Variants in PRKAR1A observed in about 807,000 individuals in gnomAD.
PRKAR1A encodes cAMP-dependent protein kinase type I-alpha regulatory subunit.
PRKAR1A carries 3 observed loss-of-function variants against 52.0 expected under a neutral mutation model. The observed-to-expected ratio is 0.06, with a 90% confidence interval of 0.03 to 0.15. The LOEUF is 0.15. Ranked by LOEUF, PRKAR1A falls within the 10% of genes least tolerant of loss-of-function variation. The pLI, the probability that PRKAR1A is intolerant of heterozygous loss-of-function variation, is 1.00. For synonymous variants in PRKAR1A, 188 were observed against 168.4 expected (o/e 1.12, Z -0.90); for missense variants, 240 against 477.4 (o/e 0.50, Z 4.63).
the PRKAR1A span, among the ~76,000 whole-genome samples, chr17:68,495,048 C>G: frequency 6.6e-6 from 1 of 152,084 alleles, no homozygotes; most frequent in Non-Finnish European, 1.5e-5. Flanking sequence ...ATATCTCAGG[C>G]TCTTTTTTTT....
At chr17:68,437,749 A>T in the PRKAR1A span, among the ~76,000 whole-genome samples, 1 of 152,062 alleles carries the variant, frequency 6.6e-6, no homozygotes, top group Admixed American at 6.5e-5. Context: ...GGAAGAGTAA[A>T]CAGCCCATCA....
rs1255633284 is a variant in PRKAR1A, at chr17:68,532,479, A to T, written c.*2030A>T. 1 of 1,061,428 alleles carries T rather than the reference A, an allele frequency of 9.4e-7. No homozygotes were observed. The highest frequency in any genetic ancestry group is 1.1e-6 in the Non-Finnish European group (1 of 875,456). 65.8% of individuals were successfully genotyped at this position (1,061,428 alleles called of 1,614,324 possible). On this transcript the variant is annotated 3_prime_UTR_variant, in exon 11 of 11. Transcript: ENST00000589228. The stretch of plus-strand genomic sequence containing the variant: ...AAAGATAAGTCTACATTAAACAATG[A>T]TCACATCTAAAGCTTTATCTTTGTG...
downstream of PRKAR1A, chr17:68,535,070 T>A (rs745931742): frequency 8.3e-5 from 30 of 360,034 alleles, no homozygotes; most frequent in Non-Finnish European, 1.6e-4. Flanking sequence ...TCAGTACAGT[T>A]CCCGTTCATT....
the PRKAR1A span, among the ~76,000 whole-genome samples, chr17:68,414,561 G>T: frequency 6.6e-6 from 1 of 152,122 alleles, no homozygotes; most frequent in African/African-American, 2.4e-5. Flanking sequence ...ATTAGGGAGG[G>T]TTCCCTCTTT....
intron 11 of PRKAR1A, among the ~76,000 whole-genome samples, chr17:68,544,608 C>T (rs894774075): frequency 1.3e-5 from 2 of 152,172 alleles, no homozygotes; most frequent in Non-Finnish European, 2.9e-5. Flanking sequence ...CAATTTAAAC[C>T]GTGTTGTGCA....
chr17:68,457,582 C>T, the PRKAR1A span: 3 of 252,866 alleles, frequency 1.2e-5, 1 homozygote, highest in Non-Finnish European at 1.8e-5. Flanking sequence ...CCCGCCCCTA[C>T]CCCGCCCCGT....
the PRKAR1A span, chr17:68,420,539 C>T: frequency 1.3e-6 from 2 of 1,491,832 alleles, no homozygotes; most frequent in Non-Finnish European, 1.8e-6. Context: ...TTTTTACCCT[C>T]TTTACAAACA....
chr17:68,455,625 C>T, the PRKAR1A span, among the ~76,000 whole-genome samples: 1 of 152,158 alleles, frequency 6.6e-6, no homozygotes, highest in African/African-American at 2.4e-5. Context: ...TATTTATAGG[C>T]AAGGCAAAGC....
chr17:68,467,074 G>C, the PRKAR1A span, among the ~76,000 whole-genome samples: 5 of 152,196 alleles, frequency 3.3e-5, no homozygotes, highest in African/African-American at 1.2e-4. Flanking sequence ...GTTCATCCAC[G>C]TTGTAGCATG....
Position 68,533,039 on chromosome 17 carries a change from T to G in PRKAR1A, c.*2590T>G. The G allele has an allele frequency of 9.4e-7, 1 of 1,065,860 alleles. No individual in the cohort carries two copies. Among genetic ancestry groups the G allele is most frequent in the Non-Finnish European group, 1.1e-6 (1 of 879,642 alleles). 66.0% of individuals were successfully genotyped at this position (1,065,860 alleles called of 1,614,324 possible). On this transcript the variant is annotated 3_prime_UTR_variant, in exon 11 of 11. Transcript: ENST00000589228. ...CAAAAGCTAAAGATTTCCTTTTGAT[T>G]GAAGACAGATTGGTTCTGTGGCCTT...
chr17:68,535,353 A>T, downstream of PRKAR1A: 1 of 454,136 alleles, frequency 2.2e-6, no homozygotes, highest in South Asian at 1.6e-5. Flanking sequence ...GTGCAGCAAA[A>T]TGTGTATATA....
At chr17:68,428,200 G>C in the PRKAR1A span, 35,221 of 150,114 alleles carry the variant, frequency 0.23, 4,336 homozygotes, top group Middle Eastern at 0.32. Flanking sequence ...GACTGGTAGA[G>C]CACTTTTCAA....
chr17:68,542,240 CCACTGGGAGGGAAGGGAAACCCTGAACT>C, intron 11 of PRKAR1A: 1 of 1,517,096 alleles, frequency 6.6e-7, no homozygotes, highest in South Asian at 1.1e-5. Flanking sequence ...CCTAGGAAAT[CCACTGGGAGGGAAGGGAAACCCTGAACT>C]CACAGCTCGG....
chr17:68,438,713 G>A, the PRKAR1A span, among the ~76,000 whole-genome samples: 1 of 152,202 alleles, frequency 6.6e-6, no homozygotes, highest in African/African-American at 2.4e-5. Flanking sequence ...CGATTCTCCT[G>A]TCTCAGCCTG....
the PRKAR1A span, among the ~76,000 whole-genome samples, chr17:68,419,585 A>C: frequency 6.6e-6 from 1 of 152,120 alleles, no homozygotes; most frequent in Non-Finnish European, 1.5e-5. Flanking sequence ...TTGAAAAAAT[A>C]ATTATATCCT....
chr17:68,457,137 A>G, the PRKAR1A span, among the ~76,000 whole-genome samples: 1 of 151,410 alleles, frequency 6.6e-6, no homozygotes, highest in Non-Finnish European at 1.5e-5. Context: ...CTGGGAGGAC[A>G]CTGGGAGTGG....
At chr17:68,504,989 G>C in the PRKAR1A span, among the ~76,000 whole-genome samples, 9 of 152,206 alleles carry the variant, frequency 5.9e-5, 1 homozygote, top group South Asian at 1.5e-3. Flanking sequence ...GAAAAACATA[G>C]GGAGAAAGTA....
At chr17:68,473,232 C>T in the PRKAR1A span, among the ~76,000 whole-genome samples, 1 of 152,134 alleles carries the variant, frequency 6.6e-6, no homozygotes, top group Admixed American at 6.6e-5. Flanking sequence ...TGTCATTGTA[C>T]ACACTTACAT....
the PRKAR1A span, among the ~76,000 whole-genome samples, chr17:68,485,985 C>T: frequency 1.3e-5 from 2 of 152,100 alleles, no homozygotes; most frequent in African/African-American, 2.4e-5. Flanking sequence ...GTGATCTGCC[C>T]GCCTCAGCCT....
Sources: allele counts gnomAD v4.1 joint callset (sites outside exome capture counted in the v4.1 genomes callset), GRCh38; gene constraint gnomAD v4.1.1; transcripts MANE v1.5; gene names NCBI Gene and HGNC (gene_info 2026-07-23, HGNC 2026-07-21).